ARHGAP26: variants seen among roughly 807,000 people sequenced by gnomAD.
ARHGAP26 encodes the protein Rho GTPase activating protein 26.
In ARHGAP26, 38 loss-of-function variants were observed where a neutral mutation model predicts 104.8. That is an observed-to-expected ratio of 0.36 (90% CI 0.28 to 0.48). ARHGAP26 has a LOEUF of 0.48. Ranked by LOEUF, ARHGAP26 falls within the 20% of genes least tolerant of loss-of-function variation. The pLI is 0.99. For missense variants in ARHGAP26, 704 were observed against 947.9 expected (o/e 0.74, Z 3.38); for synonymous variants, 341 against 340.0 (o/e 1.00, Z -0.03).
rs116770940 is a variant in ARHGAP26 at position 143,052,631 on chromosome 5, C to T, written c.1286-1808C>T. Reference sequence around the variant, plus strand: ...CTGAGCTGGGGACCCTTTCCTCTCTCATAACCCAGTATGTGTCAGGGGAAC... The same window carrying T: ...CTGAGCTGGGGACCCTTTCCTCTCTTATAACCCAGTATGTGTCAGGGGAAC... On this transcript the variant is annotated intron_variant, in intron 14 of 22. Transcript: ENST00000645722. Among the ~76,000 whole-genome samples, 364 of 152,266 alleles carry T rather than the reference C, an allele frequency of 2.4e-3. 2 individuals are homozygous for T. The highest frequency in any genetic ancestry group is 7.9e-3 in the African/African-American group (329 of 41,548).
chr5:143,024,949 CT>C (rs1189406572), intron 12 of ARHGAP26, among the ~76,000 whole-genome samples: 1 of 152,132 alleles, frequency 6.6e-6, no homozygotes, highest in African/African-American at 2.4e-5. Flanking sequence ...GCCTCAGTTT[CT>C]TTGTCTGAAG....
rs1811620225 is a variant in ARHGAP26, at chr5:143,225,899, A to G, written c.*3453A>G. On this transcript the variant is annotated 3_prime_UTR_variant, in exon 23 of 23. Coordinates refer to ENST00000645722, the MANE Select transcript of ARHGAP26 (RefSeq NM_001135608.3). Reference sequence around the variant, plus strand: ...TACAAAACTGGATAAACTTCAGAATATGAGCCAATGAGTAGGAAGGAACTT... The same window carrying G: ...TACAAAACTGGATAAACTTCAGAATGTGAGCCAATGAGTAGGAAGGAACTT... 4.5e-6 allele frequency: 1 copy of G among 222,876 alleles called. No homozygotes were observed. Among genetic ancestry groups the G allele is most frequent in the Non-Finnish European group, 9.0e-6 (1 of 111,328 alleles). The allele number at this position is 222,876 out of a possible 1,614,324, so 13.8% of individuals were successfully genotyped here. A position where few individuals can be genotyped will look rare whatever the true frequency, so the allele number is the denominator to read the frequency against.
chr5:142,787,516 G>T (rs945642677), intron 1 of ARHGAP26, among the ~76,000 whole-genome samples: 7 of 152,122 alleles, frequency 4.6e-5, no homozygotes, highest in African/African-American at 1.7e-4. Context: ...AATGAGACGT[G>T]GATAAGATGG....
chr5:142,876,428 A>C (rs571228780), intron 3 of ARHGAP26, among the ~76,000 whole-genome samples: 1 of 152,308 alleles, frequency 6.6e-6, no homozygotes, highest in Non-Finnish European at 1.5e-5. Flanking sequence ...CACACAGTTA[A>C]TAAGTGATAC....
chr5:142,950,626 T>G lies in ARHGAP26; in HGVS notation c.1107+18501T>G, dbSNP rs544592136. ...ATGTTTCCTACAGCGACACCCAATT[T>G]GAGTTATTGACCCAGAAAGTCAACC... On this transcript the variant is annotated intron_variant, in intron 11 of 22. Coordinates refer to ENST00000645722, the MANE Select transcript of ARHGAP26 (RefSeq NM_001135608.3). Among the ~76,000 whole-genome samples the G allele has an allele frequency of 3.3e-5, 5 of 152,296 alleles. No individual in the cohort carries two copies. In the South Asian group the frequency reaches 8.3e-4, roughly 25 times the overall value.
intron 22 of ARHGAP26, among the ~76,000 whole-genome samples, chr5:143,221,895 A>G (rs1412829503): frequency 6.7e-6 from 1 of 149,300 alleles, no homozygotes; most frequent in Non-Finnish European, 1.5e-5. Flanking sequence ...TACATAGTTG[A>G]TACTGGGCAG....
chr5:143,166,297 A>G (rs981477496), intron 20 of ARHGAP26, among the ~76,000 whole-genome samples: 1 of 152,072 alleles, frequency 6.6e-6, no homozygotes, highest in Non-Finnish European at 1.5e-5. Context: ...TGACTGAGGG[A>G]GTGTGGGCAG....
intron 17 of ARHGAP26, among the ~76,000 whole-genome samples, chr5:143,079,514 A>C (rs1363409963): frequency 6.6e-6 from 1 of 152,200 alleles, no homozygotes; most frequent in African/African-American, 2.4e-5. Context: ...TTTGATTATT[A>C]CATTTAACTG....
intron 1 of ARHGAP26, among the ~76,000 whole-genome samples, chr5:142,861,271 T>C (rs1307644030): frequency 1.3e-5 from 2 of 152,068 alleles, no homozygotes; most frequent in East Asian, 3.8e-4. Flanking sequence ...AAGTGACTAA[T>C]TAAAGAGGGG....
intron 20 of ARHGAP26, 122 bp from the exon 21 acceptor site, chr5:143,207,076 C>G (rs1808679840): frequency 8.4e-7 from 1 of 1,185,658 alleles, no homozygotes; most frequent in African/African-American, 1.5e-5. Flanking sequence ...ACAGCACATC[C>G]CTGGGTTTCG....
rs1811418812 is a variant in ARHGAP26 at position 143,223,330 on chromosome 5, A to G, written c.*884A>G. The G allele has an allele frequency of 4.3e-6, 1 of 233,196 alleles. No homozygotes were observed. 14.4% of individuals were successfully genotyped at this position (233,196 alleles called of 1,614,324 possible). ...GTCTACTTGAGGCAGATGGGATAGT[A>G]GCTGGGAACTGTTCCCTTTCTGATT... On this transcript the variant is annotated 3_prime_UTR_variant, in exon 23 of 23. Transcript: ENST00000645722.
At chr5:142,874,156 G>A (rs1755732995) in intron 2 of ARHGAP26, among the ~76,000 whole-genome samples, 1 of 152,178 alleles carries the variant, frequency 6.6e-6, no homozygotes, top group African/African-American at 2.4e-5. Flanking sequence ...GCTGAGGTGG[G>A]TTACTGTTTA....
Position 143,228,502 on chromosome 5 carries a change from C to T in ARHGAP26, c.*6056C>T, listed in dbSNP as rs573050875. 1.4e-5 allele frequency: 3 copies of T among 219,748 alleles called. No homozygotes were observed. Among genetic ancestry groups the T allele is most frequent in the Non-Finnish European group, 9.1e-6 (1 of 109,344 alleles). 13.6% of individuals were successfully genotyped at this position (219,748 alleles called of 1,614,324 possible). ...TTTGTTAACTTACTTAAAGTCATGT[C>T]GCAAGAAAGATCAAACCCATGAATG... On this transcript the variant is annotated 3_prime_UTR_variant, in exon 23 of 23. Transcript: ENST00000645722.
intron 20 of ARHGAP26, among the ~76,000 whole-genome samples, chr5:143,196,304 TTTTA>T: frequency 6.6e-6 from 1 of 152,172 alleles, no homozygotes; most frequent in South Asian, 2.1e-4. Context: ...ATCAATTAGT[TTTTA>T]TTTATATTTT....
At chr5:142,861,467 G>A (rs552832211) in intron 1 of ARHGAP26, among the ~76,000 whole-genome samples, 1 of 151,694 alleles carries the variant, frequency 6.6e-6, no homozygotes, top group South Asian at 2.1e-4. Flanking sequence ...CTTGCTTCCT[G>A]TGGTATTAGT....
intron 1 of ARHGAP26, among the ~76,000 whole-genome samples, chr5:142,802,485 G>A (rs1330977397): frequency 1.3e-5 from 2 of 152,118 alleles, no homozygotes; most frequent in Non-Finnish European, 2.9e-5. Flanking sequence ...ATGTCATTTT[G>A]TTCAACGTAG....
chr5:143,151,411 A>T (rs1263016674), intron 20 of ARHGAP26, among the ~76,000 whole-genome samples: 1 of 152,208 alleles, frequency 6.6e-6, no homozygotes, highest in Non-Finnish European at 1.5e-5. Context: ...TCCAGCAATC[A>T]TGTTCTTTGG....
intron 11 of ARHGAP26, among the ~76,000 whole-genome samples, chr5:142,952,716 A>T (rs1449751241): frequency 6.6e-6 from 1 of 151,946 alleles, no homozygotes; most frequent in Non-Finnish European, 1.5e-5. Context: ...CAGCTAAAAA[A>T]TCTTTTCTTT....
intron 19 of ARHGAP26, among the ~76,000 whole-genome samples, chr5:143,144,000 G>A (rs972600157): frequency 6.6e-6 from 1 of 152,164 alleles, no homozygotes; most frequent in East Asian, 1.9e-4. Flanking sequence ...TGTTTGAGGC[G>A]GGCAAGCATT....
Sources: allele counts gnomAD v4.1 joint callset (sites outside exome capture counted in the v4.1 genomes callset), GRCh38; gene constraint gnomAD v4.1.1; transcripts MANE v1.5; gene names NCBI Gene and HGNC (gene_info 2026-07-23, HGNC 2026-07-21).